The following RYK variants were observed in gnomAD, a reference collection of about 807,000 sequenced individuals.
The protein encoded by RYK is receptor like tyrosine kinase.
In RYK, 21 loss-of-function variants were observed where a neutral mutation model predicts 70.2. The ratio of observed to expected loss-of-function variants is 0.30; its 90% CI spans 0.21 to 0.43. The LOEUF is 0.43. Ranked by LOEUF, RYK falls within the 20% of genes least tolerant of loss-of-function variation. RYK has a pLI of 1.00. For synonymous variants in RYK, 267 were observed against 278.0 expected (o/e 0.96, Z 0.39); for missense variants, 604 against 753.3 (o/e 0.80, Z 2.32).
chr3:134,165,611 G>A (rs368563217), intron 13 of RYK, among the ~76,000 whole-genome samples: 3 of 152,170 alleles, frequency 2.0e-5, no homozygotes, highest in East Asian at 3.8e-4. Context: ...TCTGGGGTGG[G>A]GCTCTGGCAA....
intron 1 of RYK, among the ~76,000 whole-genome samples, chr3:134,245,312 T>C (rs549738419): frequency 2.6e-4 from 40 of 152,200 alleles, no homozygotes; most frequent in Non-Finnish European, 4.3e-4. Context: ...CATTTACACA[T>C]TGTGGAATGA....
chr3:134,239,635 T>C (rs2015273935), intron 1 of RYK, among the ~76,000 whole-genome samples: 1 of 152,214 alleles, frequency 6.6e-6, no homozygotes, highest in African/African-American at 2.4e-5. Context: ...TGAATTTTTT[T>C]GTAAGTATGA....
intron 1 of RYK, among the ~76,000 whole-genome samples, chr3:134,248,259 T>C (rs1161838856): frequency 6.6e-6 from 1 of 152,104 alleles, no homozygotes; most frequent in Admixed American, 6.6e-5. Flanking sequence ...AGGGAGTTAA[T>C]TGAAACAATG....
chr3:134,223,995 G>A (rs1344735552), intron 1 of RYK, among the ~76,000 whole-genome samples: 2 of 152,194 alleles, frequency 1.3e-5, no homozygotes, highest in African/African-American at 4.8e-5. Flanking sequence ...ATGCAGAAAT[G>A]AAATTTAAGG....
chr3:134,192,702 T>G (rs2013683642), intron 7 of RYK, among the ~76,000 whole-genome samples: 1 of 152,188 alleles, frequency 6.6e-6, no homozygotes, highest in South Asian at 2.1e-4. Context: ...GAAGTTGGAA[T>G]GGCATCTCCA....
At chr3:134,249,350 C>T (rs2015546901) in intron 1 of RYK, among the ~76,000 whole-genome samples, 1 of 152,142 alleles carries the variant, frequency 6.6e-6, no homozygotes, top group African/African-American at 2.4e-5. Context: ...AATCTCAACA[C>T]ACCTCAACAA....
chr3:134,185,083 A>G (rs1560007442), intron 9 of RYK, among the ~76,000 whole-genome samples: 1 of 151,760 alleles, frequency 6.6e-6, no homozygotes, highest in African/African-American at 2.4e-5. Flanking sequence ...GCAGTGAGCT[A>G]TGATTGTGCC....
chr3:134,159,066 T>G (rs890453611), intron 14 of RYK, among the ~76,000 whole-genome samples, 171 bp downstream of exon 14: 1 of 152,092 alleles, frequency 6.6e-6, no homozygotes, highest in African/African-American at 2.4e-5. Context: ...CATGAAAGAG[T>G]GAACGAATCT....
At chr3:134,168,191 A>G (rs1260700861) in intron 13 of RYK, among the ~76,000 whole-genome samples, 4 of 152,236 alleles carry the variant, frequency 2.6e-5, no homozygotes, top group African/African-American at 9.6e-5. Flanking sequence ...AACTAGTTCA[A>G]CCATTGTTGA....
chr3:134,189,770 A>G (rs139674290), intron 8 of RYK, among the ~76,000 whole-genome samples: 23 of 151,902 alleles, frequency 1.5e-4, no homozygotes, highest in African/African-American at 4.8e-4. Flanking sequence ...ACAAAAAACA[A>G]AAACTCTTAT....
intron 6 of RYK, among the ~76,000 whole-genome samples, chr3:134,197,256 T>C (rs569354578): frequency 6.6e-6 from 1 of 152,292 alleles, no homozygotes; most frequent in Admixed American, 6.5e-5. Flanking sequence ...GAGTTTATAA[T>C]GCAGTGGGTA....
At position 134,159,633 on chromosome 3, in the gene RYK, G is replaced by A. The variant is rs146250367; in HGVS notation, c.1576-260C>T. 3.0e-3 allele frequency among the ~76,000 whole-genome samples: 463 copies of A among 152,266 alleles called. 1 individual carries two copies. The highest frequency in any genetic ancestry group is 0.01 in the African/African-American group (430 of 41,558). On this transcript the variant is annotated intron_variant, in intron 13 of 14. Transcript: ENST00000623711. Reference sequence around the variant, plus strand: ...TAGTTTACTGTTGATTACAAGCTACGTATTATGAATTATGTCCAAGATTCT... The same window carrying A: ...TAGTTTACTGTTGATTACAAGCTACATATTATGAATTATGTCCAAGATTCT...
intron 1 of RYK, among the ~76,000 whole-genome samples, chr3:134,225,473 A>G (rs1470542385): frequency 6.6e-6 from 1 of 152,182 alleles, no homozygotes; most frequent in Non-Finnish European, 1.5e-5. Context: ...GGCTTCAAAT[A>G]TAGAAAGCAA....
chr3:134,161,034 T>C (rs2012453038), intron 13 of RYK, among the ~76,000 whole-genome samples: 2 of 152,176 alleles, frequency 1.3e-5, no homozygotes, highest in South Asian at 4.1e-4. Context: ...ATATACCACA[T>C]GGAAATCTGA....
Position 134,176,011 on chromosome 3 carries a change from A to G in RYK, c.1334T>C (p.Met445Thr), listed in dbSNP as rs2013088655. The G allele has an allele frequency of 6.2e-7, 1 of 1,604,878 alleles. No homozygotes were observed. Among genetic ancestry groups the G allele is most frequent in the East Asian group, 2.2e-5 (1 of 44,718 alleles). The change falls in exon 12 of 15, where the codon ATG (methionine) becomes ACG (threonine). Residue 445 changes from methionine (M) to threonine (T), a missense_variant. Around this residue, in one of 2 missense-constraint regions of RYK, gnomAD observed 138 missense variants for 217.4 expected, o/e 0.63. Transcript: ENST00000623711. ...CATTCCACAGGCAATCTGAATAGCCATGTGTACCAGGTCTTGCTGAGAAAT... is the reference window on the plus strand; with the variant it reads ...CATTCCACAGGCAATCTGAATAGCCGTGTGTACCAGGTCTTGCTGAGAAAT... ...QAISQQDLVH[M>T]AIQIACGMSY...
intron 2 of RYK, among the ~76,000 whole-genome samples, chr3:134,216,378 C>T (rs1195553632): frequency 1.3e-5 from 2 of 152,136 alleles, no homozygotes; most frequent in Non-Finnish European, 1.5e-5. Context: ...TGGACAAGTT[C>T]CCTGCAACTC....
intron 5 of RYK, among the ~76,000 whole-genome samples, chr3:134,205,975 A>G (rs1436922505): frequency 6.6e-6 from 1 of 152,232 alleles, no homozygotes; most frequent in Non-Finnish European, 1.5e-5. Flanking sequence ...CAAGGAAGAC[A>G]CAGACAGAGG....
intron 13 of RYK, among the ~76,000 whole-genome samples, chr3:134,166,134 C>T (rs571332437): frequency 1.2e-4 from 18 of 152,276 alleles, no homozygotes; most frequent in African/African-American, 4.3e-4. Context: ...TATGCTGAAA[C>T]CTTAACCCCC....
At chr3:134,168,351 G>A (rs990926688) in intron 13 of RYK, among the ~76,000 whole-genome samples, 1 of 152,170 alleles carries the variant, frequency 6.6e-6, no homozygotes, top group Non-Finnish European at 1.5e-5. Flanking sequence ...ATTCACGACA[G>A]CAAAGACTTG....
Sources: allele counts gnomAD v4.1 joint callset (sites outside exome capture counted in the v4.1 genomes callset), GRCh38; gene constraint gnomAD v4.1.1; regional missense constraint gnomAD v4.1.1; transcripts MANE v1.5; gene names NCBI Gene and HGNC (gene_info 2026-07-23, HGNC 2026-07-21).